Variants in RORB observed in about 807,000 individuals in gnomAD.
RORB encodes nuclear receptor ROR-beta.
In RORB, 6 loss-of-function variants were observed where a neutral mutation model predicts 59.1. The observed-to-expected ratio is 0.10, with a 90% confidence interval of 0.06 to 0.20. RORB has a LOEUF of 0.20. Ranked by LOEUF, RORB falls within the 10% of genes least tolerant of loss-of-function variation. RORB has a pLI of 1.00. For synonymous variants in RORB, 215 were observed against 204.5 expected, an observed-to-expected ratio of 1.05 and a Z score of -0.44; for missense variants, 320 against 560.5, an observed-to-expected ratio of 0.57 and a Z score of 4.33.
intron 1 of RORB, among the ~76,000 whole-genome samples, chr9:74,533,766 T>C (rs1182596485): frequency 1.3e-5 from 2 of 152,058 alleles, no homozygotes; most frequent in Non-Finnish European, 1.5e-5. Flanking sequence ...CCTAGATAAA[T>C]GTCTAATTCC....
chr9:74,617,149 G>T (rs764588838), intron 1 of RORB, among the ~76,000 whole-genome samples: 10 of 144,192 alleles, frequency 6.9e-5, no homozygotes, highest in Non-Finnish European at 1.5e-4. Flanking sequence ...AAATGGAAAA[G>T]AAATTTTTTG....
intron 1 of RORB, among the ~76,000 whole-genome samples, chr9:74,549,609 AAAGGAAGGAAGGAAGGAAGAAAG>A (rs1563934629): frequency 1.4e-3 from 48 of 33,318 alleles, no homozygotes; most frequent in African/African-American, 6.0e-3. Context: ...AGGAAGGAAG[AAAGGAAGGAAGGAAGGAAGAAAG>A]GAAAGAAAGA....
intron 1 of RORB, among the ~76,000 whole-genome samples, chr9:74,627,037 C>T (rs1002903129): frequency 1.3e-5 from 2 of 151,814 alleles, no homozygotes; most frequent in South Asian, 2.1e-4. Flanking sequence ...TGGCACACAC[C>T]GGTAGTCCCA....
intron 1 of RORB, among the ~76,000 whole-genome samples, chr9:74,627,415 A>T (rs1823538618): frequency 6.6e-6 from 1 of 152,146 alleles, no homozygotes. Context: ...TGTTGTTAAG[A>T]TGTTTATAGT....
At chr9:74,650,452 A>G (rs1445450280) in intron 4 of RORB, among the ~76,000 whole-genome samples, 1 of 152,200 alleles carries the variant, frequency 6.6e-6, no homozygotes, top group East Asian at 1.9e-4. Context: ...CTTTGGTGTG[A>G]TTAGCGTGGT....
intron 1 of RORB, among the ~76,000 whole-genome samples, chr9:74,546,060 A>G (rs1158270607): frequency 6.6e-6 from 1 of 152,256 alleles, no homozygotes; most frequent in Non-Finnish European, 1.5e-5. Flanking sequence ...AAGGATGAAT[A>G]TAAAGACATG....
At chr9:74,569,542 T>C (rs1054138007) in intron 1 of RORB, among the ~76,000 whole-genome samples, 16 of 152,168 alleles carry the variant, frequency 1.1e-4, no homozygotes, top group African/African-American at 3.1e-4. Flanking sequence ...GGGGATAAGA[T>C]TAATTTATAA....
At chr9:74,587,929 C>T (rs1822827950) in intron 1 of RORB, among the ~76,000 whole-genome samples, 1 of 152,152 alleles carries the variant, frequency 6.6e-6, no homozygotes. Flanking sequence ...CAATAATCTA[C>T]CAGACTAAAC....
chr9:74,625,999 T>C (rs1823507404), intron 1 of RORB, among the ~76,000 whole-genome samples: 2 of 152,246 alleles, frequency 1.3e-5, no homozygotes. Flanking sequence ...ATTAGCTGGA[T>C]TAGTTTATAT....
chr9:74,660,332 A>G (rs1449786535), intron 4 of RORB, among the ~76,000 whole-genome samples: 1 of 152,150 alleles, frequency 6.6e-6, no homozygotes, highest in Non-Finnish European at 1.5e-5. Context: ...TAATAATTTT[A>G]TATCTTTTTT....
In RORB at chr9:74,519,031, T is replaced by C. The variant is rs183250779; in HGVS notation, c.7+21048T>C. On this transcript the variant is annotated intron_variant, in intron 1 of 9. Transcript: ENST00000376896. ...GTATGGCTGTTCTTGAATGCTATGATAAAGTATATTTTACAGAGAAATTCA... is the reference window on the plus strand; with the variant it reads ...GTATGGCTGTTCTTGAATGCTATGACAAAGTATATTTTACAGAGAAATTCA... Among the ~76,000 whole-genome samples the C allele has an allele frequency of 3.2e-3, 480 of 152,102 alleles. 2 individuals are homozygous for C. The highest frequency in any genetic ancestry group is 5.6e-3 in the Non-Finnish European group (378 of 67,936).
chr9:74,520,259 G>A (rs530132683), intron 1 of RORB, among the ~76,000 whole-genome samples: 8 of 151,918 alleles, frequency 5.3e-5, no homozygotes, highest in African/African-American at 1.4e-4. Context: ...ATAGTCATTC[G>A]CAAGCAATTT....
At chr9:74,508,329 C>T (rs1825895157) in intron 1 of RORB, among the ~76,000 whole-genome samples, 1 of 151,946 alleles carries the variant, frequency 6.6e-6, no homozygotes, top group African/African-American at 2.4e-5. Flanking sequence ...TAAGTTCTGG[C>T]TGCCACTTAT....
chr9:74,547,292 T>C (rs940232788), intron 1 of RORB, among the ~76,000 whole-genome samples: 3 of 151,852 alleles, frequency 2.0e-5, no homozygotes, highest in Admixed American at 2.0e-4. Flanking sequence ...AAGGTGGTGG[T>C]TTGAACTTGG....
At chr9:74,557,893 G>A (rs1563937040) in intron 1 of RORB, among the ~76,000 whole-genome samples, 1 of 152,040 alleles carries the variant, frequency 6.6e-6, no homozygotes, top group African/African-American at 2.4e-5. Flanking sequence ...TTGCTCTTAT[G>A]AGGCACATTT....
intron 1 of RORB, among the ~76,000 whole-genome samples, chr9:74,527,644 C>G (rs762254338): frequency 1.3e-5 from 2 of 152,068 alleles, no homozygotes; most frequent in Non-Finnish European, 2.9e-5. Flanking sequence ...CCTGGTTTTA[C>G]AGAAGAGAGA....
intron 1 of RORB, among the ~76,000 whole-genome samples, chr9:74,563,329 G>T (rs1822426747): frequency 6.6e-6 from 1 of 151,918 alleles, no homozygotes; most frequent in African/African-American, 2.4e-5. Flanking sequence ...AGGACTACAG[G>T]CACCTGCCAC....
chr9:74,628,030 C>T (rs1342880963), intron 1 of RORB, among the ~76,000 whole-genome samples: 2 of 152,068 alleles, frequency 1.3e-5, no homozygotes, highest in African/African-American at 2.4e-5. Flanking sequence ...CTGTTTGAAC[C>T]TCACAAATCT....
intron 1 of RORB, among the ~76,000 whole-genome samples, chr9:74,626,918 C>T (rs957517138): frequency 3.9e-5 from 6 of 152,154 alleles, no homozygotes; most frequent in African/African-American, 1.4e-4. Context: ...AATCCCAGCA[C>T]TTTGGGAGGC....
Sources: allele counts gnomAD v4.1 joint callset (sites outside exome capture counted in the v4.1 genomes callset), GRCh38; gene constraint gnomAD v4.1.1; transcripts MANE v1.5; gene names NCBI Gene and HGNC (gene_info 2026-07-23, HGNC 2026-07-21).